The following GNPTAB variants were observed in gnomAD, a reference collection of about 807,000 sequenced individuals.
The protein encoded by GNPTAB is N-acetylglucosamine-1-phosphotransferase subunits alpha/beta.
A neutral mutation model predicts 136.6 loss-of-function variants in GNPTAB; 92 were observed. The observed-to-expected ratio is 0.67, with a 90% CI of 0.57 to 0.80. The LOEUF is 0.80. Ranked by LOEUF, GNPTAB falls within the 30% of genes least tolerant of loss-of-function variation. The pLI, the probability that GNPTAB is intolerant of heterozygous loss-of-function variation, is 0.00. For missense variants in GNPTAB, 1,343 were observed against 1,501.8 expected (o/e 0.89, Z 1.75); for synonymous variants, 512 against 535.1 (o/e 0.96, Z 0.60).
Position 101,748,991 on chromosome 12 carries a change from TAA to T in GNPTAB, c.3693+108_3693+109del, listed in dbSNP as rs534665915. 822 of 729,578 alleles carry T rather than the reference TAA, an allele frequency of 1.1e-3. 6 individuals are homozygous for T. In the African/African-American group the frequency reaches 0.013, roughly 11 times the overall value. The allele number at this position is 729,578 out of a possible 1,614,324, so 45.2% of individuals were successfully genotyped here. A position where few individuals can be genotyped will look rare whatever the true frequency, so the allele number is the denominator to read the frequency against. On this transcript the variant is annotated intron_variant, in intron 20 of 20. Coordinates refer to ENST00000299314, the MANE Select transcript of GNPTAB (RefSeq NM_024312.5). ...TATTCACATATGAGCTATAAGACAA[TAA>T]GAGAAGTTAAAATTTTGATTGTAAA...
intron 7 of GNPTAB, among the ~76,000 whole-genome samples, chr12:101,777,014 G>A (rs1415734147): frequency 6.6e-6 from 1 of 152,198 alleles, no homozygotes; most frequent in Non-Finnish European, 1.5e-5. Flanking sequence ...CTGAGCTCTG[G>A]GTCTCCTTCC....
intron 7 of GNPTAB, chr12:101,778,906 A>G (rs1288684291): frequency 6.7e-6 from 1 of 150,210 alleles, no homozygotes; most frequent in Non-Finnish European, 1.5e-5. Flanking sequence ...ACTCTCTCCA[A>G]AAAAAAAAAG....
chr12:101,772,002 C>T (rs1263188458), intron 7 of GNPTAB, among the ~76,000 whole-genome samples: 1 of 152,242 alleles, frequency 6.6e-6, no homozygotes, highest in African/African-American at 2.4e-5. Context: ...GCACCTTCGG[C>T]AGGACTGCCT....
intron 5 of GNPTAB, among the ~76,000 whole-genome samples, chr12:101,783,619 A>T (rs1231395302): frequency 6.6e-6 from 1 of 152,224 alleles, no homozygotes; most frequent in African/African-American, 2.4e-5. Context: ...TGCAGTTCGA[A>T]TATGTGAGTG....
rs775265734 is a variant in GNPTAB, at chr12:101,760,130, A to G, written c.3149T>C (p.Leu1050Pro). 2 of 1,595,150 alleles carry G rather than the reference A, an allele frequency of 1.3e-6. No individual in the cohort carries two copies. The highest frequency in any genetic ancestry group is 2.2e-5 in the South Asian group (2 of 90,674). ...LPLSLQDLTG[L>P]EHMLINCSKM... ...TGAGCAATTTATTAGCATGTGTTCC[A>G]GACCTGTCAAATCCTAACAAAGAAA... is the stretch of plus-strand genomic sequence containing the variant. The change falls in exon 16 of 21, where the codon CTG (leucine) becomes CCG (proline). Residue 1050 changes from leucine to proline, a missense_variant. Physicochemically the swap from Leu to Pro is moderately conservative, Grantham distance 98 (BLOSUM62 -3). Transcript: ENST00000299314.
chr12:101,794,516 C>A (rs1040351990), intron 2 of GNPTAB, among the ~76,000 whole-genome samples: 1 of 151,568 alleles, frequency 6.6e-6, no homozygotes, highest in East Asian at 2.0e-4. Context: ...AATAAAAAAT[C>A]TGTACAGAAA....
At position 101,796,671 on chromosome 12, in the gene GNPTAB, T is replaced by G. The variant is rs1057315146; in HGVS notation, c.203+6A>C. The G allele has an allele frequency of 1.3e-6, 2 of 1,568,036 alleles. No individual in the cohort carries two copies. The highest frequency in any genetic ancestry group is 2.7e-5 in the African/African-American group (2 of 73,978). On this transcript the variant is annotated splice_donor_region_variant and intron_variant, in intron 2 of 20. Coordinates refer to ENST00000299314, the MANE Select transcript of GNPTAB (RefSeq NM_024312.5). Reference sequence around the variant, plus strand: ...AAATAATAGATTTCTCCAAAATAGATCTTACCGATTCTGAAAGGACTTTCC... The same window carrying G: ...AAATAATAGATTTCTCCAAAATAGAGCTTACCGATTCTGAAAGGACTTTCC...
chr12:101,812,784 GT>G (rs1210739115), intron 1 of GNPTAB, among the ~76,000 whole-genome samples: 3 of 152,018 alleles, frequency 2.0e-5, no homozygotes, highest in Non-Finnish European at 4.4e-5. Flanking sequence ...AGTCAGAGTT[GT>G]TCCTCTCCAT....
In GNPTAB at chr12:101,830,605, A is replaced by T; in HGVS notation, c.71T>A (p.Phe24Tyr). 1 of 1,613,150 alleles carries T rather than the reference A, an allele frequency of 6.2e-7. No individual in the cohort carries two copies. The highest frequency in any genetic ancestry group is 8.5e-7 in the Non-Finnish European group (1 of 1,179,384). Residue 24 changes from phenylalanine (F) to tyrosine (Y), a missense_variant, in exon 1 of 21, where the codon TTC (phenylalanine) becomes TAC (tyrosine). By Grantham distance (22) the Phe-to-Tyr change is conservative. Coordinates refer to ENST00000299314, the MANE Select transcript of GNPTAB (RefSeq NM_024312.5). Reference sequence around the variant, plus strand: ...GACGATGGTGACAACGACGCCCAAGAAGCACACGTAGAGCCCATACCTGTG... The same window carrying T: ...GACGATGGTGACAACGACGCCCAAGTAGCACACGTAGAGCCCATACCTGTG... ...LSHRYGLYVC[F>Y]LGVVVTIVSA... is the part of the protein sequence containing the mutation.
intron 1 of GNPTAB, among the ~76,000 whole-genome samples, chr12:101,802,972 G>A (rs1472224354): frequency 6.6e-6 from 1 of 152,114 alleles, no homozygotes; most frequent in Non-Finnish European, 1.5e-5. Context: ...ACTTCTGTAA[G>A]AAGCCAGGAC....
intron 1 of GNPTAB, among the ~76,000 whole-genome samples, chr12:101,801,539 C>CCA (rs1555273745): frequency 2.3e-5 from 1 of 42,580 alleles, no homozygotes; most frequent in African/African-American, 7.0e-5. Flanking sequence ...GACCCTGTCT[C>CCA]AAAAAAAAAA....
intron 5 of GNPTAB, among the ~76,000 whole-genome samples, chr12:101,783,352 A>AGT (rs2137141008): frequency 6.6e-6 from 1 of 152,306 alleles, no homozygotes; most frequent in South Asian, 2.1e-4. Flanking sequence ...GACACTGACA[A>AGT]GTCCCTGAGA....
chr12:101,762,903 T>TAAAA (rs35645073), intron 13 of GNPTAB, among the ~76,000 whole-genome samples: 10 of 125,190 alleles, frequency 8.0e-5, no homozygotes, highest in Non-Finnish European at 1.2e-4. Context: ...TTTGTAAATT[T>TAAAA]AAAAAAAAAA....
chr12:101,749,441 C>T (rs189477561), intron 19 of GNPTAB, among the ~76,000 whole-genome samples: 19 of 152,308 alleles, frequency 1.2e-4, no homozygotes, highest in African/African-American at 4.3e-4. Context: ...AAGAAAATTA[C>T]TTCTGGCACT....
At chr12:101,816,916 T>C (rs1272441624) in intron 1 of GNPTAB, among the ~76,000 whole-genome samples, 2 of 152,114 alleles carry the variant, frequency 1.3e-5, no homozygotes, top group African/African-American at 2.4e-5. Context: ...CCAGAGGACA[T>C]GATGTGAAGT....
At chr12:101,820,497 C>T (rs965174212) in intron 1 of GNPTAB, among the ~76,000 whole-genome samples, 1 of 152,136 alleles carries the variant, frequency 6.6e-6, no homozygotes, top group Non-Finnish European at 1.5e-5. Flanking sequence ...TCAGCACTAT[C>T]GACATTTTGG....
intron 1 of GNPTAB, among the ~76,000 whole-genome samples, chr12:101,821,057 C>CA (rs57630700): frequency 0.013 from 375 of 28,286 alleles, 2 homozygotes; most frequent in Non-Finnish European, 0.019. Flanking sequence ...GACTCCGTCT[C>CA]AAAAAAAAAA....
In GNPTAB at chr12:101,821,056, T is replaced by TAAA. The variant is rs1566101479; in HGVS notation, c.117+9502_117+9503insTTT. Among the ~76,000 whole-genome samples, 10 of 114,716 alleles carry TAAA rather than the reference T, an allele frequency of 8.7e-5. 2 individuals carry two copies. Among genetic ancestry groups the TAAA allele is most frequent in the African/African-American group, 9.8e-5 (3 of 30,520 alleles). The allele number at this position is 114,716 out of a possible 152,430, so 75.3% of individuals were successfully genotyped here. ...CTGGGCGGCAGAGTGAGACTCCGTCTCAAAAAAAAAAAAAAAAAAAAAAGC... is the reference window on the plus strand; with the variant it reads ...CTGGGCGGCAGAGTGAGACTCCGTCTAAACAAAAAAAAAAAAAAAAAAAAAAGC... On this transcript the variant is annotated intron_variant, in intron 1 of 20. Coordinates refer to ENST00000299314, the MANE Select transcript of GNPTAB (RefSeq NM_024312.5).
chr12:101,771,247 T>C, intron 7 of GNPTAB, 90 bp from the exon 8 acceptor site: 2 of 224,006 alleles, frequency 8.9e-6, no homozygotes, highest in Non-Finnish European at 1.6e-5. Flanking sequence ...TAATCTTTCC[T>C]TTTTTTTTTT....
Sources: gnomAD v4.1 joint callset for allele counts (sites outside exome capture counted in the v4.1 genomes callset) on GRCh38, gnomAD v4.1.1 for gene constraint, MANE v1.5 for transcripts, NCBI Gene and HGNC (gene_info 2026-07-23, HGNC 2026-07-21) for gene names.